The following CDC25C variants were observed in gnomAD, a reference collection of about 807,000 sequenced individuals.
The protein encoded by CDC25C is M-phase inducer phosphatase 3.
In CDC25C, 48 loss-of-function variants were observed where a neutral mutation model predicts 52.5. The observed-to-expected ratio is 0.91, with a 90% confidence interval of 0.72 to 1.16. The LOEUF (loss-of-function observed/expected upper bound fraction) is 1.16. Among genes scored for constraint, CDC25C ranks in the 50% most tolerant of loss-of-function variants. CDC25C has a pLI of 0.00. For synonymous variants in CDC25C, 187 were observed against 206.5 expected, an observed-to-expected ratio of 0.91 and a Z score of 0.81; for missense variants, 510 against 566.1, an observed-to-expected ratio of 0.90 and a Z score of 1.01.
chr5:138,290,506 C>T, intron 9 of CDC25C, 133 bp downstream of exon 9: 2 of 631,512 alleles, frequency 3.2e-6, no homozygotes, highest in South Asian at 1.9e-5. Context: ...CTGGATCTAC[C>T]ACTAGAGCAC....
chr5:138,325,801 C>T lies in CDC25C; in HGVS notation c.459+14G>A, dbSNP rs752917814. On this transcript the variant is annotated intron_variant, in intron 6 of 13. Transcript: ENST00000323760. ...AAAACTGCCAATATATCTAGGTTTC[C>T]ATTAAACACTCACATTTTCTTTATT... is the stretch of plus-strand genomic sequence containing the variant. The T allele has an allele frequency of 5.4e-5, 86 of 1,581,482 alleles. No individual in the cohort carries two copies. Among genetic ancestry groups the T allele is most frequent in the Non-Finnish European group, 7.4e-5 (85 of 1,151,078 alleles).
intron 7 of CDC25C, among the ~76,000 whole-genome samples, chr5:138,309,212 C>T (rs1008158473): frequency 6.3e-5 from 9 of 143,576 alleles, no homozygotes; most frequent in African/African-American, 2.3e-4. Flanking sequence ...AGGCTCTCAA[C>T]AAACTGGTAT....
chr5:138,297,534 T>C (rs1457145023), intron 7 of CDC25C, among the ~76,000 whole-genome samples: 1 of 152,180 alleles, frequency 6.6e-6, no homozygotes, highest in Non-Finnish European at 1.5e-5. Flanking sequence ...TTCTCTTTTA[T>C]CTCCTCCCTC....
chr5:138,314,277 A>G (rs1024116603), intron 7 of CDC25C, among the ~76,000 whole-genome samples: 20 of 146,468 alleles, frequency 1.4e-4, no homozygotes, highest in African/African-American at 5.1e-4. Flanking sequence ...CCTTTATTCA[A>G]ATCGTCCTGT....
intron 6 of CDC25C, among the ~76,000 whole-genome samples, chr5:138,325,531 T>C (rs1759779218): frequency 6.6e-6 from 1 of 152,156 alleles, no homozygotes; most frequent in Non-Finnish European, 1.5e-5. Flanking sequence ...AAAAAACTCC[T>C]AAATCCCTTA....
chr5:138,319,958 A>G (rs1422771756), intron 6 of CDC25C, among the ~76,000 whole-genome samples: 1 of 152,222 alleles, frequency 6.6e-6, no homozygotes, highest in African/African-American at 2.4e-5. Context: ...AAAAAATTAA[A>G]TGTAGAATTA....
At chr5:138,317,703 A>AC (rs1759001839) in intron 7 of CDC25C, among the ~76,000 whole-genome samples, 1 of 150,614 alleles carries the variant, frequency 6.6e-6, no homozygotes, top group Non-Finnish European at 1.5e-5. Flanking sequence ...AAAAAAAAAA[A>AC]AAAACCAAAA....
chr5:138,313,331 T>C (rs550833179), intron 7 of CDC25C, among the ~76,000 whole-genome samples: 202 of 147,588 alleles, frequency 1.4e-3, no homozygotes, highest in African/African-American at 4.5e-3. Context: ...TGAGACAAAA[T>C]TGCGCCACTG....
At chr5:138,294,426 G>A (rs1317306015) in intron 7 of CDC25C, among the ~76,000 whole-genome samples, 27 of 148,940 alleles carry the variant, frequency 1.8e-4, no homozygotes, top group African/African-American at 5.7e-4. Context: ...TCCTGACCTC[G>A]TGATCCATCC....
intron 7 of CDC25C, 143 bp from the exon 8 acceptor site, chr5:138,292,259 G>T: frequency 1.7e-6 from 1 of 590,462 alleles, no homozygotes; most frequent in South Asian, 3.5e-5. Flanking sequence ...ATTAAAATCT[G>T]CATTTTAACA....
chr5:138,329,733 T>TA (rs1437305695), intron 2 of CDC25C, 86 bp from the exon 3 acceptor site: 5 of 650,608 alleles, frequency 7.7e-6, no homozygotes, highest in Non-Finnish European at 1.2e-5. Context: ...CTTCTTTTTT[T>TA]TTTTTTTTTT....
chr5:138,296,832 C>G (rs1184520556), intron 7 of CDC25C, among the ~76,000 whole-genome samples: 1 of 150,850 alleles, frequency 6.6e-6, no homozygotes, highest in Non-Finnish European at 1.5e-5. Flanking sequence ...GTCTCAAACT[C>G]CTGACCTCGT....
intron 7 of CDC25C, among the ~76,000 whole-genome samples, chr5:138,317,682 TAAAAA>T (rs70982706): frequency 1.8e-5 from 1 of 54,264 alleles, no homozygotes; most frequent in Non-Finnish European, 3.1e-5. Context: ...CCTGTCTATC[TAAAAA>T]AAAAAAAAAA....
At chr5:138,328,419 G>T in intron 4 of CDC25C, 65 bp downstream of exon 4, 1 of 1,457,638 alleles carries the variant, frequency 6.9e-7, no homozygotes, top group African/African-American at 1.4e-5. Context: ...GTCTGCACAG[G>T]ATAAAATCTC....
intron 7 of CDC25C, among the ~76,000 whole-genome samples, chr5:138,310,420 G>A (rs777413237): frequency 8.6e-5 from 13 of 152,036 alleles, no homozygotes; most frequent in East Asian, 1.9e-4. Flanking sequence ...CTCTCGCCTC[G>A]CACTCTCCTC....
Position 138,292,051 on chromosome 5 carries a change from C to T in CDC25C, c.681G>A (p.Lys227=). The T allele has an allele frequency of 6.2e-7, 1 of 1,613,608 alleles. No homozygotes were observed. Among genetic ancestry groups the T allele is most frequent in the Non-Finnish European group, 8.5e-7 (1 of 1,179,716 alleles). Residue 227 remains lysine (K), a synonymous_variant, in exon 8 of 14, where the codon AAG becomes AAA. Transcript: ENST00000323760. ...TGTTGTCCTTGAATTTTTCCACCTG[C>T]TTCAGTCTTGGCCTGTTCAAGTTCT... The part of the protein sequence containing the change: ...MPENLNRPRL[K]QVEKFKDNTI...
At position 138,319,246 on chromosome 5, in the gene CDC25C, C is replaced by G; in HGVS notation, c.588G>C (p.Glu196Asp). 1 of 1,613,196 alleles carries G rather than the reference C, an allele frequency of 6.2e-7. No individual in the cohort carries two copies. Among genetic ancestry groups the G allele is most frequent in the Non-Finnish European group, 8.5e-7 (1 of 1,179,656 alleles). ...QAEEISDELM[E>D]FSLKDQEAKV... ...TTGCTTCTTGATCTTTCAGGGAAAA[C>G]TCCATTAATTCATCTGAAATCTCTT... Residue 196 changes from glutamate (E) to aspartate (D), a missense_variant, in exon 7 of 14, where the codon GAG becomes GAC. By Grantham distance (45) the Glu-to-Asp change is conservative. Transcript: ENST00000323760.
chr5:138,325,734 T>C (rs1759797131), intron 6 of CDC25C, 81 bp downstream of exon 6: 2 of 936,116 alleles, frequency 2.1e-6, no homozygotes, highest in South Asian at 2.7e-5. Context: ...TATAAACAGT[T>C]CTATGTCTCA....
intron 7 of CDC25C, among the ~76,000 whole-genome samples, chr5:138,309,332 GATC>G (rs1758265995): frequency 6.6e-6 from 1 of 152,112 alleles, no homozygotes; most frequent in African/African-American, 2.4e-5. Flanking sequence ...AAAGCAGGTG[GATC>G]ACCTGAGATC....
Sources: gnomAD v4.1 joint callset for allele counts (sites outside exome capture counted in the v4.1 genomes callset) on GRCh38, gnomAD v4.1.1 for gene constraint, MANE v1.5 for transcripts, NCBI Gene and HGNC (gene_info 2026-07-23, HGNC 2026-07-21) for gene names.